TTC6: variants seen among roughly 807,000 people sequenced by gnomAD.
TTC6 encodes tetratricopeptide repeat protein 6.
A neutral mutation model predicts 210.4 loss-of-function variants in TTC6; 172 were observed. The observed-to-expected ratio is 0.82, with a 90% CI of 0.72 to 0.93. The LOEUF (loss-of-function observed/expected upper bound fraction) is 0.93. TTC6 is among the 40% of genes least tolerant of loss of function. TTC6 has a pLI of 0.00. For missense variants in TTC6, 2,414 were observed against 2,318.1 expected, an observed-to-expected ratio of 1.04 and a Z score of -0.85; for synonymous variants, 804 against 819.6, an observed-to-expected ratio of 0.98 and a Z score of 0.32.
chr14:37,651,401 ATATATATATATATATATATATATAT>A (rs2095711113), intron 1 of TTC6, among the ~76,000 whole-genome samples: 2 of 14,958 alleles, frequency 1.3e-4, no homozygotes, highest in African/African-American at 7.5e-4. Flanking sequence ...ATATATATAT[ATATATATATATATATATATATATAT>A]TTTTTTTTTT....
intron 1 of TTC6, among the ~76,000 whole-genome samples, chr14:37,672,815 TTCC>T (rs1399105287): frequency 1.4e-5 from 2 of 143,508 alleles, no homozygotes; most frequent in Non-Finnish European, 3.1e-5. Flanking sequence ...TTTTCATGAA[TTCC>T]TCATTTTTTT....
chr14:37,665,954 T>C (rs2095747140), intron 1 of TTC6, among the ~76,000 whole-genome samples: 1 of 150,542 alleles, frequency 6.6e-6, no homozygotes, highest in Non-Finnish European at 1.5e-5. Context: ...TTTCCCCTCT[T>C]CTACCTCCAA....
chr14:37,621,304 C>T (rs1252674399), upstream of TTC6, among the ~76,000 whole-genome samples: 2 of 152,102 alleles, frequency 1.3e-5, no homozygotes, highest in East Asian at 3.8e-4. Flanking sequence ...AAATAGCTGG[C>T]TATGAATTAA....
At chr14:37,810,133 G>T (rs1163761385) in intron 24 of TTC6, among the ~76,000 whole-genome samples, 1 of 152,202 alleles carries the variant, frequency 6.6e-6, no homozygotes, top group East Asian at 1.9e-4. Flanking sequence ...AGATTATCAG[G>T]TTTCCTCCAG....
At chr14:37,613,541 G>T (rs1434156822) in intron 2 of TTC6, among the ~76,000 whole-genome samples, 4 of 152,040 alleles carry the variant, frequency 2.6e-5, no homozygotes, top group Non-Finnish European at 5.9e-5. Context: ...TTTGCTGAAA[G>T]AAATTTATGT....
intron 5 of TTC6, among the ~76,000 whole-genome samples, chr14:37,711,873 A>G (rs2095845276): frequency 6.6e-6 from 1 of 152,136 alleles, no homozygotes; most frequent in African/African-American, 2.4e-5. Flanking sequence ...GGGAGAATGA[A>G]CAGAAATAGT....
upstream of TTC6, among the ~76,000 whole-genome samples, chr14:37,618,098 A>G (rs558263849): frequency 6.6e-6 from 1 of 152,258 alleles, no homozygotes; most frequent in South Asian, 2.1e-4. Context: ...TGCTCCATTT[A>G]TTTTGACTTT....
intron 1 of TTC6, among the ~76,000 whole-genome samples, chr14:37,630,010 A>G (rs1207758187): frequency 2.0e-5 from 3 of 152,002 alleles, no homozygotes; most frequent in Non-Finnish European, 4.4e-5. Flanking sequence ...TCAGTTTGTT[A>G]ATCTTTTCAA....
At chr14:37,808,459 C>A (rs942173643) in intron 23 of TTC6, among the ~76,000 whole-genome samples, 35 of 152,044 alleles carry the variant, frequency 2.3e-4, no homozygotes, top group African/African-American at 8.0e-4. Context: ...TTGCCATATA[C>A]CAACATTGGT....
chr14:37,738,813 T>C, exon 10 of TTC6: 10 of 1,528,954 alleles, frequency 6.5e-6, no homozygotes, highest in Non-Finnish European at 8.7e-6. Context: ...AAGGAGAAGA[T>C]CATAGCTCCT....
At chr14:37,758,407 T>C (rs952272477) in intron 14 of TTC6, among the ~76,000 whole-genome samples, 1 of 152,232 alleles carries the variant, frequency 6.6e-6, no homozygotes, top group African/African-American at 2.4e-5. Flanking sequence ...AGTTAGCTCT[T>C]CTTGTTGAAG....
chr14:37,739,306 G>T (rs1427367739), intron 10 of TTC6, among the ~76,000 whole-genome samples, 151 bp downstream of exon 12: 1 of 152,110 alleles, frequency 6.6e-6, no homozygotes, highest in Non-Finnish European at 1.5e-5. Context: ...GCTGGGCGCC[G>T]TGGCTCATGC....
At chr14:37,840,703 A>G (rs1462812222) in intron 29 of TTC6, among the ~76,000 whole-genome samples, 1 of 152,206 alleles carries the variant, frequency 6.6e-6, no homozygotes, top group Non-Finnish European at 1.5e-5. Context: ...TATGCAAATC[A>G]ATAAACGTAA....
chr14:37,771,849 A>G (rs2096020017), intron 14 of TTC6, among the ~76,000 whole-genome samples: 1 of 152,162 alleles, frequency 6.6e-6, no homozygotes, highest in Admixed American at 6.5e-5. Flanking sequence ...GCTCGTGAGG[A>G]ACTGCTTTCC....
At chr14:37,596,214 G>A (rs1006848085) in intron 1 of TTC6, among the ~76,000 whole-genome samples, 1 of 152,248 alleles carries the variant, frequency 6.6e-6, no homozygotes, top group Admixed American at 6.5e-5. Context: ...AGCCGCTTCA[G>A]GGAGTGAGCT....
intron 17 of TTC6, among the ~76,000 whole-genome samples, chr14:37,792,775 GT>G (rs1032781036): frequency 1.6e-5 from 2 of 121,650 alleles, no homozygotes; most frequent in African/African-American, 7.3e-5. Flanking sequence ...ATGGTCCAAT[GT>G]TGTGTGTGTG....
At chr14:37,636,005 A>T (rs1419725786) in intron 1 of TTC6, among the ~76,000 whole-genome samples, 1 of 151,408 alleles carries the variant, frequency 6.6e-6, no homozygotes, top group Non-Finnish European at 1.5e-5. Context: ...AAAAAAGAAA[A>T]AAAAAAGAAA....
chr14:37,646,988 C>T (rs2095702765), intron 1 of TTC6, among the ~76,000 whole-genome samples: 1 of 152,112 alleles, frequency 6.6e-6, no homozygotes, highest in Non-Finnish European at 1.5e-5. Context: ...GTGGGACTGC[C>T]CTGTGAACTG....
chr14:37,733,597 T>C (rs2095893735), intron 7 of TTC6, among the ~76,000 whole-genome samples: 1 of 152,198 alleles, frequency 6.6e-6, no homozygotes, highest in Non-Finnish European at 1.5e-5. Context: ...GTAAAGACTT[T>C]GAAGCTAATG....
Sources: gnomAD v4.1 joint callset for allele counts (sites outside exome capture counted in the v4.1 genomes callset) on GRCh38, gnomAD v4.1.1 for gene constraint, MANE v1.5 for transcripts, NCBI Gene and HGNC (gene_info 2026-07-23, HGNC 2026-07-21) for gene names.